VILL: variants seen among roughly 807,000 people sequenced by gnomAD.
VILL encodes the protein villin like.
A neutral mutation model predicts 106.3 loss-of-function variants in VILL; 102 were observed. The observed-to-expected ratio is 0.96, with a 90% CI of 0.82 to 1.13. The LOEUF is 1.13. VILL is among the 50% of genes most tolerant of loss of function. VILL has a pLI of 0.00. For synonymous variants in VILL, 431 were observed against 440.3 expected, an observed-to-expected ratio of 0.98 and a Z score of 0.27; for missense variants, 1,076 against 1,116.6, an observed-to-expected ratio of 0.96 and a Z score of 0.52.
At chr3:37,988,011 C>T (rs1160081076), upstream of VILL, 4 of 152,402 alleles carry the variant, frequency 2.6e-5, no homozygotes, top group Middle Eastern at 3.4e-3. Flanking sequence ...TGGAGCACCA[C>T]GATGAGGAAA....
At chr3:37,993,096 C>T (rs937786410) in intron 1 of VILL, among the ~76,000 whole-genome samples, 2 of 152,168 alleles carry the variant, frequency 1.3e-5, no homozygotes, top group African/African-American at 4.8e-5. Flanking sequence ...ATATGAAGTG[C>T]CAAGACATAA....
rs957448406 is a variant in VILL at position 37,998,431 on chromosome 3, C to G, written c.942+67C>G. Reference sequence around the variant, plus strand: ...CTGGGGTCTGAGTGGGGAGGCAGCTCCGCCCCAGGGTCTAAGGGAGGAATC... The same window carrying G: ...CTGGGGTCTGAGTGGGGAGGCAGCTGCGCCCCAGGGTCTAAGGGAGGAATC... On this transcript the variant is annotated intron_variant, in intron 9 of 19. Coordinates refer to ENST00000383759, the MANE Select transcript of VILL (RefSeq NM_015873.4). This position sits in a 1 kb window ranked among gnomAD's most constrained non-coding sequence, Gnocchi z 4.1. 9.6e-6 allele frequency: 14 copies of G among 1,458,612 alleles called. No homozygotes were observed. The African/African-American group carries it at 2.0e-4, about 20-fold the overall frequency. 90.4% of individuals were successfully genotyped at this position (1,458,612 alleles called of 1,614,324 possible).
chr3:37,994,299 C>T lies in VILL; in HGVS notation c.174C>T (p.Ser58=). Residue 58 remains serine (S), a synonymous_variant, in exon 4 of 20, where the codon AGC becomes AGT. Transcript: ENST00000383759. ...CGAAGGCCACGCAGGGGGCGTCCAG[C>T]GACCTGCACTACTGGGTCGGGAAGC... is the stretch of plus-strand genomic sequence containing the variant. ...QSPKATQGAS[S]DLHYWVGKQA... 6.2e-7 allele frequency: 1 copy of T among 1,611,470 alleles called. No homozygotes were observed. Among genetic ancestry groups the T allele is most frequent in the Admixed American group, 1.7e-5 (1 of 59,942 alleles).
chr3:37,995,579 AC>A (rs1446412705), intron 4 of VILL, among the ~76,000 whole-genome samples, 159 bp from the exon 5 acceptor site: 2 of 152,384 alleles, frequency 1.3e-5, no homozygotes, highest in East Asian at 1.9e-4. Context: ...CTATGTGTGC[AC>A]CCATGTACTT....
chr3:38,006,778 G>A, intron 19 of VILL, 78 bp downstream of exon 19: 5 of 1,542,832 alleles, frequency 3.2e-6, no homozygotes, highest in Non-Finnish European at 4.4e-6. Flanking sequence ...TCCACTGGTG[G>A]CGGGCAGTGG....
At chr3:38,002,057 A>T in intron 13 of VILL, 197 bp downstream of exon 13, 1 of 880,572 alleles carries the variant, frequency 1.1e-6, no homozygotes, top group Non-Finnish European at 1.7e-6. Context: ...CCAGAGCCAG[A>T]TGAGGAATTT....
rs1699732537 is a variant in VILL, at chr3:37,997,762, C to T, written c.764+77C>T. On this transcript the variant is annotated intron_variant, in intron 7 of 19. Transcript: ENST00000383759. The surrounding 1 kb of genome is among the most constrained non-coding windows in gnomAD (Gnocchi z 4.7). ...GTCCATCACTACTGCAATAACACGG[C>T]ATCTCTAGAAGGCCCTCCAGCAAAG... is the stretch of plus-strand genomic sequence containing the variant. 12 of 1,477,532 alleles carry T rather than the reference C, an allele frequency of 8.1e-6. No homozygotes were observed. The highest frequency in any genetic ancestry group is 1.1e-5 in the Non-Finnish European group (12 of 1,097,016). 91.5% of individuals were successfully genotyped at this position (1,477,532 alleles called of 1,614,324 possible). A position where few individuals can be genotyped will look rare whatever the true frequency, so the allele number is the denominator to read the frequency against.
In VILL at chr3:37,997,497, C is replaced by G; in HGVS notation, c.576C>G (p.Thr192=). ...ISEKARGLAL[T]YSLRDRERGG... is the part of the protein sequence containing the mutation. ...CTCTCCCGCAGGGGCTGGCTTTGAC[C>G]TACAGCCTCCGGGACAGGGAACGTG... Residue 192 remains threonine (T), a synonymous_variant, in exon 7 of 20, where the codon ACC becomes ACG. Coordinates refer to ENST00000383759, the MANE Select transcript of VILL (RefSeq NM_015873.4). This position sits in a 1 kb window ranked among gnomAD's most constrained non-coding sequence, Gnocchi z 4.7. The G allele has an allele frequency of 6.2e-7, 1 of 1,613,926 alleles. No individual in the cohort carries two copies. Among genetic ancestry groups the G allele is most frequent in the East Asian group, 2.2e-5 (1 of 44,884 alleles).
In VILL at chr3:37,999,362, G is replaced by GACGTGGGCAAGCTGC; in HGVS notation, c.1108_1122dup (p.Val370_His374dup). The GACGTGGGCAAGCTGC allele has an allele frequency of 6.6e-7, 1 of 1,516,026 alleles. No homozygotes were observed. Among genetic ancestry groups the GACGTGGGCAAGCTGC allele is most frequent in the Non-Finnish European group, 8.8e-7 (1 of 1,135,170 alleles). The allele number at this position is 1,516,026 out of a possible 1,614,324, so 93.9% of individuals were successfully genotyped here. On this transcript the variant is annotated inframe_insertion, in exon 11 of 20. Transcript: ENST00000383759. ...AGATAAATCGATTCATGTAAAGCTG[G>GACGTGGGCAAGCTGC]ACGTGGGCAAGCTGCACACCCAGCC... is the stretch of plus-strand genomic sequence containing the variant.
In VILL at chr3:37,998,036, G is replaced by A. The variant is rs1699737446; in HGVS notation, c.765-54G>A. 6.5e-7 allele frequency: 1 copy of A among 1,531,306 alleles called. No individual in the cohort carries two copies. Among genetic ancestry groups the A allele is most frequent in the Non-Finnish European group, 8.9e-7 (1 of 1,127,914 alleles). 94.9% of individuals were successfully genotyped at this position (1,531,306 alleles called of 1,614,324 possible). The stretch of plus-strand genomic sequence containing the variant: ...TGGGGTCCTAAATGGGGCTGGAGTG[G>A]AGACAGATCAGGGAGGGGCTGGGCT... On this transcript the variant is annotated intron_variant, in intron 7 of 19. Coordinates refer to ENST00000383759, the MANE Select transcript of VILL (RefSeq NM_015873.4). This position sits in a 1 kb window ranked among gnomAD's most constrained non-coding sequence, Gnocchi z 4.1.
rs1203698797 is a variant in VILL, at chr3:38,007,132, C to T, written c.*77C>T. Reference sequence around the variant, plus strand: ...TGCTGGGGAGGCCCTGCTTCCACTCCCCTCAGAGGCTTTTGGTCATCCTCT... The same window carrying T: ...TGCTGGGGAGGCCCTGCTTCCACTCTCCTCAGAGGCTTTTGGTCATCCTCT... On this transcript the variant is annotated 3_prime_UTR_variant, in exon 20 of 20. Transcript: ENST00000383759. 7.4e-6 allele frequency: 9 copies of T among 1,214,866 alleles called. No homozygotes were observed. The highest frequency in any genetic ancestry group is 9.6e-6 in the Non-Finnish European group (8 of 834,854). The allele number at this position is 1,214,866 out of a possible 1,614,324, so 75.3% of individuals were successfully genotyped here. A position where few individuals can be genotyped will look rare whatever the true frequency, so the allele number is the denominator to read the frequency against.
At chr3:37,989,967 G>A, upstream of VILL, among the ~76,000 whole-genome samples, 1 of 152,206 alleles carries the variant, frequency 6.6e-6, no homozygotes, top group East Asian at 1.9e-4. Context: ...GACCTTTGTG[G>A]GGTGAAGACT....
intron 11 of VILL, 23 bp downstream of exon 11, chr3:37,999,462 G>C (rs1170147330): frequency 2.8e-6 from 4 of 1,452,230 alleles, no homozygotes; most frequent in Middle Eastern, 1.8e-4. Flanking sequence ...GGGTTAGCTG[G>C]GGGAAGATGG....
chr3:37,999,273 G>A (rs1699768942), intron 10 of VILL, 66 bp from the exon 11 acceptor site: 1 of 1,336,114 alleles, frequency 7.5e-7, no homozygotes, highest in Non-Finnish European at 1.0e-6. Flanking sequence ...TTGAGGAGTG[G>A]GCGGGGCGGA....
At chr3:37,991,940 C>T (rs1013973047) in intron 1 of VILL, among the ~76,000 whole-genome samples, 3 of 152,218 alleles carry the variant, frequency 2.0e-5, no homozygotes, top group African/African-American at 7.2e-5. Context: ...AGGTGCCATG[C>T]GAGTGCGACC....
In VILL at chr3:38,004,292, T is replaced by C; in HGVS notation, c.1843T>C (p.Phe615Leu). 6.2e-7 allele frequency: 1 copy of C among 1,613,726 alleles called. No homozygotes were observed. Among genetic ancestry groups the C allele is most frequent in the Non-Finnish European group, 8.5e-7 (1 of 1,179,626 alleles). ...EEVPSFQPRLFECSSHMGCLV... is the reference protein window; with the variant it reads ...EEVPSFQPRLLECSSHMGCLV... ...GGTCCCCAGCTTCCAGCCACGACTG[T>C]TTGAGTGCTCCAGCCACATGGGCTG... Residue 615 changes from phenylalanine to leucine, a missense_variant, in exon 16 of 20, where the codon TTT becomes CTT. Transcript: ENST00000383759.
At chr3:38,003,570 C>G in intron 15 of VILL, 1 of 486,584 alleles carries the variant, frequency 2.1e-6, no homozygotes, top group Non-Finnish European at 3.7e-6. Flanking sequence ...CCTGCATTGT[C>G]CTGGTCCTGG....
At position 37,994,308 on chromosome 3, in the gene VILL, C is replaced by G; in HGVS notation, c.183C>G (p.His61Gln). ...KATQGASSDL[H>Q]YWVGKQAGAE... Reference sequence around the variant, plus strand: ...CGCAGGGGGCGTCCAGCGACCTGCACTACTGGGTCGGGAAGCAGGCGGGTG... The same window carrying G: ...CGCAGGGGGCGTCCAGCGACCTGCAGTACTGGGTCGGGAAGCAGGCGGGTG... Residue 61 changes from histidine to glutamine, a missense_variant, in exon 4 of 20, where the codon CAC (histidine) becomes CAG (glutamine). Transcript: ENST00000383759. 1.2e-6 allele frequency: 2 copies of G among 1,612,036 alleles called. No individual in the cohort carries two copies. The highest frequency in any genetic ancestry group is 2.2e-5 in the South Asian group (2 of 91,062).
chr3:37,990,426 C>T (rs1326968575), upstream of VILL, among the ~76,000 whole-genome samples: 1 of 152,220 alleles, frequency 6.6e-6, no homozygotes, highest in East Asian at 1.9e-4. This position sits in a 1 kb window ranked among gnomAD's most constrained non-coding sequence, Gnocchi z 5.1. Context: ...GCCTGGCCCT[C>T]TTGGTCCAGG....
Sources: allele counts gnomAD v4.1 joint callset (sites outside exome capture counted in the v4.1 genomes callset), GRCh38; gene constraint gnomAD v4.1.1; non-coding constraint Gnocchi (gnomAD v3.1); transcripts MANE v1.5; gene names NCBI Gene and HGNC (gene_info 2026-07-23, HGNC 2026-07-21).